RTL9: variants seen among roughly 807,000 people sequenced by gnomAD.
RTL9 encodes the protein retrotransposon Gag-like protein 9.
A neutral mutation model predicts 44.7 loss-of-function variants in RTL9; 19 were observed. The observed-to-expected ratio is 0.42, with a 90% CI of 0.30 to 0.62. RTL9 has a LOEUF of 0.62. Among genes scored for constraint, RTL9 ranks in the 20% least tolerant of loss-of-function variants. The pLI is 0.16. For synonymous variants in RTL9, 407 were observed against 398.9 expected, an observed-to-expected ratio of 1.02 and a Z score of -0.24; for missense variants, 1,105 against 1,080.6, an observed-to-expected ratio of 1.02 and a Z score of -0.32.
upstream of RTL9, among the ~76,000 whole-genome samples, chrX:110,418,230 C>T (rs2068691706): frequency 8.9e-6 from 1 of 112,363 alleles, no homozygotes; most frequent in African/African-American, 3.2e-5. Flanking sequence ...TGGTCTAACA[C>T]ATTTTTGTCA....
exon 1 of RTL9, chrX:110,451,823 A>G: frequency 8.3e-7 from 1 of 1,211,873 alleles, no homozygotes; most frequent in Admixed American, 2.2e-5. Flanking sequence ...CTGCACCACC[A>G]GTAAGAGCTT....
intron 1 of RTL9, among the ~76,000 whole-genome samples, chrX:110,394,659 G>T (rs185848366): frequency 1.3e-4 from 15 of 112,947 alleles, no homozygotes; most frequent in Admixed American, 1.3e-3. Flanking sequence ...AGAGACAGCA[G>T]AGAGCAAAGG....
intron 1 of RTL9, among the ~76,000 whole-genome samples, chrX:110,369,931 T>C (rs760907314): frequency 9.0e-6 from 1 of 111,264 alleles, no homozygotes; most frequent in Non-Finnish European, 1.9e-5. Flanking sequence ...TTGACACTTG[T>C]GTGCGTGTGT....
At chrX:110,363,652 G>A (rs1217489496) in intron 1 of RTL9, among the ~76,000 whole-genome samples, 1 of 111,445 alleles carries the variant, frequency 9.0e-6, no homozygotes, top group Non-Finnish European at 1.9e-5. Context: ...TTATTACTCT[G>A]TGCCCTGGCC....
chrX:110,431,712 C>T (rs193095074), intron 1 of RTL9, among the ~76,000 whole-genome samples: 17 of 111,742 alleles, frequency 1.5e-4, no homozygotes, highest in South Asian at 7.6e-4. Context: ...CCTGCTGGGG[C>T]GCATACAGCA....
intron 1 of RTL9, among the ~76,000 whole-genome samples, chrX:110,387,370 A>G (rs973124812): frequency 8.9e-6 from 1 of 112,127 alleles, no homozygotes; most frequent in Admixed American, 9.4e-5. Context: ...AAAACATTTA[A>G]CTGGACAAAT....
intron 1 of RTL9, among the ~76,000 whole-genome samples, chrX:110,382,738 A>G (rs2148276561): frequency 9.0e-6 from 1 of 111,265 alleles, no homozygotes; most frequent in South Asian, 3.8e-4. Flanking sequence ...CTACAAGTCT[A>G]CCCCAGAAGG....
At chrX:110,373,782 C>A (rs1298784954) in intron 1 of RTL9, among the ~76,000 whole-genome samples, 1 of 111,547 alleles carries the variant, frequency 9.0e-6, no homozygotes, top group Non-Finnish European at 1.9e-5. Context: ...CAACTTTCCT[C>A]GGTGTGTGTA....
intron 1 of RTL9, among the ~76,000 whole-genome samples, chrX:110,408,874 A>G (rs768654069): frequency 8.9e-6 from 1 of 112,443 alleles, no homozygotes; most frequent in African/African-American, 3.2e-5. Flanking sequence ...ATGTGGCAGG[A>G]CATATAGCTA....
chrX:110,411,165 T>A (rs1036393230), intron 1 of RTL9, among the ~76,000 whole-genome samples: 1 of 112,023 alleles, frequency 8.9e-6, no homozygotes, highest in Non-Finnish European at 1.9e-5. Context: ...CCTCCGACAG[T>A]GAACCTTGGC....
intron 1 of RTL9, among the ~76,000 whole-genome samples, chrX:110,444,751 A>C (rs901412586): frequency 8.9e-6 from 1 of 112,209 alleles, no homozygotes; most frequent in Non-Finnish European, 1.9e-5. Context: ...ACCTCTAGGT[A>C]CCTCCTATTG....
At chrX:110,364,167 T>C (rs2068282085) in intron 1 of RTL9, among the ~76,000 whole-genome samples, 1 of 111,118 alleles carries the variant, frequency 9.0e-6, no homozygotes, top group Non-Finnish European at 1.9e-5. Context: ...TGTGGTAGCA[T>C]CATTCCAATC....
At chrX:110,442,247 C>CTG (rs908737506) in intron 1 of RTL9, among the ~76,000 whole-genome samples, 2,789 of 96,961 alleles carry the variant, frequency 0.029, 50 homozygotes, top group East Asian at 0.13. Flanking sequence ...CTCTCTCTCT[C>CTG]TGTGTGTGTG....
chrX:110,374,334 A>G (rs1415561485), intron 1 of RTL9, among the ~76,000 whole-genome samples: 3 of 112,259 alleles, frequency 2.7e-5, no homozygotes, highest in Non-Finnish European at 5.6e-5. Context: ...GTATATGCAC[A>G]TTAAAAAAAT....
At chrX:110,388,327 A>G (rs925074917) in intron 1 of RTL9, among the ~76,000 whole-genome samples, 17 of 112,113 alleles carry the variant, frequency 1.5e-4, no homozygotes, top group Admixed American at 1.4e-3. Context: ...AGAACTCAGT[A>G]TGTAACCATC....
chrX:110,424,125 A>T (rs2068737872), intron 1 of RTL9, among the ~76,000 whole-genome samples: 1 of 111,738 alleles, frequency 8.9e-6, no homozygotes, highest in Non-Finnish European at 1.9e-5. Flanking sequence ...ACTGAGGCTC[A>T]GGAAACATAA....
intron 1 of RTL9, among the ~76,000 whole-genome samples, chrX:110,410,589 A>G (rs1376534568): frequency 8.9e-6 from 1 of 111,734 alleles, no homozygotes; most frequent in African/African-American, 3.3e-5. Context: ...CTCCCACTTT[A>G]CTTTTCTTTT....
chrX:110,380,746 CAT>C (rs1413418475), intron 1 of RTL9, among the ~76,000 whole-genome samples: 1 of 112,027 alleles, frequency 8.9e-6, no homozygotes, highest in Admixed American at 9.4e-5. Flanking sequence ...CAGAAAAAGA[CAT>C]ATAGACCAAT....
intron 1 of RTL9, among the ~76,000 whole-genome samples, chrX:110,393,797 G>A (rs1317440225): frequency 8.9e-6 from 1 of 112,799 alleles, no homozygotes; most frequent in Non-Finnish European, 1.9e-5. Flanking sequence ...TGACCAGGGT[G>A]GTTCCCACCT....
Sources: allele counts gnomAD v4.1 joint callset (sites outside exome capture counted in the v4.1 genomes callset), GRCh38; gene constraint gnomAD v4.1.1; transcripts MANE v1.5; gene names NCBI Gene and HGNC (gene_info 2026-07-23, HGNC 2026-07-21).